The following CLYBL variants were observed in gnomAD, a reference collection of about 807,000 sequenced individuals.
CLYBL encodes the protein citramalyl-CoA lyase, mitochondrial.
CLYBL carries 31 observed loss-of-function variants against 38.9 expected under a neutral mutation model. The ratio of observed to expected loss-of-function variants is 0.80; its 90% CI spans 0.60 to 1.08. The LOEUF is 1.08. CLYBL is among the 50% of genes least tolerant of loss of function. CLYBL has a pLI of 0.00. For synonymous variants in CLYBL, 171 were observed against 158.6 expected, an observed-to-expected ratio of 1.08 and a Z score of -0.59; for missense variants, 434 against 411.6, an observed-to-expected ratio of 1.05 and a Z score of -0.47.
chr13:99,819,357 T>C (rs1157043888), intron 2 of CLYBL, among the ~76,000 whole-genome samples: 1 of 138,948 alleles, frequency 7.2e-6, no homozygotes, highest in Non-Finnish European at 1.5e-5. Context: ...AAAAAATTAA[T>C]AGACCCTCAG....
At chr13:99,732,513 G>A (rs901410331) in intron 1 of CLYBL, among the ~76,000 whole-genome samples, 4 of 151,994 alleles carry the variant, frequency 2.6e-5, no homozygotes, top group African/African-American at 9.7e-5. Flanking sequence ...CTTTGGTTTC[G>A]GAGAGAAATC....
chr13:99,766,871 TA>T (rs2049279233), intron 1 of CLYBL, among the ~76,000 whole-genome samples: 1 of 152,228 alleles, frequency 6.6e-6, no homozygotes, highest in Non-Finnish European at 1.5e-5. Flanking sequence ...ACAAACCTCC[TA>T]TAGTGTGGTA....
chr13:99,754,961 A>G (rs1421825542), intron 1 of CLYBL, among the ~76,000 whole-genome samples: 2 of 149,994 alleles, frequency 1.3e-5, no homozygotes, highest in South Asian at 2.1e-4. Context: ...GCAGTGGCGC[A>G]ATCTCGCCTC....
At chr13:99,674,575 T>G (rs1256451900) in intron 1 of CLYBL, among the ~76,000 whole-genome samples, 1 of 152,050 alleles carries the variant, frequency 6.6e-6, no homozygotes, top group African/African-American at 2.4e-5. Context: ...GTGGGGTGAC[T>G]TAGGAATGGA....
At chr13:99,622,900 T>C (rs560434533) in intron 1 of CLYBL, among the ~76,000 whole-genome samples, 1 of 152,328 alleles carries the variant, frequency 6.6e-6, no homozygotes, top group Non-Finnish European at 1.5e-5. Context: ...GGCATGATCA[T>C]AGCTCACTGT....
At chr13:99,779,735 G>A (rs376350077) in intron 2 of CLYBL, among the ~76,000 whole-genome samples, 1 of 152,296 alleles carries the variant, frequency 6.6e-6, no homozygotes, top group African/African-American at 2.4e-5. Context: ...ACCATAGCTT[G>A]AGTAGCAAGG....
chr13:99,738,572 A>C (rs745801641), intron 1 of CLYBL, among the ~76,000 whole-genome samples: 3 of 152,136 alleles, frequency 2.0e-5, no homozygotes, highest in Middle Eastern at 3.2e-3. Context: ...CAGCCACGGA[A>C]AAGGCCTTGT....
At chr13:99,811,589 T>C (rs1211959250) in intron 2 of CLYBL, among the ~76,000 whole-genome samples, 1 of 152,124 alleles carries the variant, frequency 6.6e-6, no homozygotes, top group Non-Finnish European at 1.5e-5. Flanking sequence ...GCAGGCGGGA[T>C]CAGTTGCCCA....
chr13:99,675,307 T>C (rs192762226), intron 1 of CLYBL, among the ~76,000 whole-genome samples: 1 of 152,376 alleles, frequency 6.6e-6, no homozygotes, highest in Admixed American at 6.5e-5. Flanking sequence ...CTTATATATG[T>C]ATGCCCTATA....
At chr13:99,854,670 T>C (rs992110319) in intron 2 of CLYBL, among the ~76,000 whole-genome samples, 3 of 152,276 alleles carry the variant, frequency 2.0e-5, no homozygotes, top group East Asian at 3.9e-4. Flanking sequence ...CTTGCGAGGA[T>C]GATTAGTTAT....
intron 4 of CLYBL, among the ~76,000 whole-genome samples, chr13:99,864,419 G>A (rs2051687149): frequency 1.3e-5 from 2 of 152,108 alleles, no homozygotes; most frequent in South Asian, 4.2e-4. Flanking sequence ...TGATCCTAAT[G>A]CAAATAATTC....
chr13:99,650,523 C>G (rs182942977), intron 1 of CLYBL, among the ~76,000 whole-genome samples: 206 of 152,296 alleles, frequency 1.4e-3, no homozygotes, highest in Non-Finnish European at 2.5e-3. Flanking sequence ...GAAACTGTTG[C>G]CAAATTCTCA....
intron 1 of CLYBL, among the ~76,000 whole-genome samples, chr13:99,705,141 A>C (rs2048126912): frequency 6.6e-6 from 1 of 152,214 alleles, no homozygotes. Flanking sequence ...GTACATGGGT[A>C]CACCCATGTT....
intron 1 of CLYBL, among the ~76,000 whole-genome samples, chr13:99,748,437 T>C (rs1231891677): frequency 7.8e-6 from 1 of 128,906 alleles, no homozygotes; most frequent in Admixed American, 7.4e-5. Context: ...GTGTTTTTTT[T>C]TTTTTTTTTT....
At chr13:99,755,361 T>A (rs2049043998) in intron 1 of CLYBL, among the ~76,000 whole-genome samples, 1 of 152,228 alleles carries the variant, frequency 6.6e-6, no homozygotes, top group African/African-American at 2.4e-5. Flanking sequence ...GACTGGTCTC[T>A]GATGCCGTAC....
At chr13:99,674,591 A>C (rs905173168) in intron 1 of CLYBL, among the ~76,000 whole-genome samples, 1 of 152,164 alleles carries the variant, frequency 6.6e-6, no homozygotes, top group Non-Finnish European at 1.5e-5. Flanking sequence ...ATGGACACAG[A>C]GCTGACTGAG....
chr13:99,666,193 C>T (rs561062653), intron 1 of CLYBL, among the ~76,000 whole-genome samples: 25 of 152,044 alleles, frequency 1.6e-4, no homozygotes, highest in African/African-American at 6.0e-4. Flanking sequence ...GTGGTAGTGA[C>T]GGGGGTTAAG....
intron 2 of CLYBL, among the ~76,000 whole-genome samples, chr13:99,796,118 A>G (rs1276711768): frequency 6.6e-6 from 1 of 152,172 alleles, no homozygotes; most frequent in African/African-American, 2.4e-5. Flanking sequence ...AAGACATAAG[A>G]GGATTAGGAA....
In CLYBL at chr13:99,786,892, C is replaced by T. The variant is rs550950764; in HGVS notation, c.249+13882C>T. Among the ~76,000 whole-genome samples the T allele has an allele frequency of 3.6e-3, 545 of 151,934 alleles. 10 individuals are homozygous for T. Among genetic ancestry groups the T allele is most frequent in the Admixed American group, 0.027 (416 of 15,242 alleles). ...TGTTGTTTCCTGACTTTTTAATGAT[C>T]GCCATTCTAACTGGTGTGAGATGGT... On this transcript the variant is annotated intron_variant, in intron 2 of 8. Transcript: ENST00000339105.
Sources: allele counts gnomAD v4.1 joint callset (sites outside exome capture counted in the v4.1 genomes callset), GRCh38; gene constraint gnomAD v4.1.1; transcripts MANE v1.5; gene names NCBI Gene and HGNC (gene_info 2026-07-23, HGNC 2026-07-21).